Variants in THSD7B observed in about 807,000 individuals in gnomAD.
The protein encoded by THSD7B is thrombospondin type-1 domain-containing protein 7B.
In THSD7B, 138 loss-of-function variants were observed where a neutral mutation model predicts 213.6. That is an observed-to-expected ratio of 0.65 (90% CI 0.56 to 0.74). THSD7B has a LOEUF of 0.74. THSD7B is among the 30% of genes least tolerant of loss of function. THSD7B has a pLI of 0.00. For synonymous variants in THSD7B, 742 were observed against 687.0 expected (o/e 1.08, Z -1.25); for missense variants, 1,931 against 1,991.5 (o/e 0.97, Z 0.58).
chr2:137,320,251 C>T (rs1684232333), intron 12 of THSD7B, among the ~76,000 whole-genome samples: 2 of 152,094 alleles, frequency 1.3e-5, no homozygotes, highest in Admixed American at 6.5e-5. Context: ...TCACATTGTA[C>T]TCCAGCTCTT....
In THSD7B at chr2:137,220,620, CTTTGGAGAACAG is replaced by C. The variant is rs376763161; in HGVS notation, c.1724-10418_1724-10407del. ...ATGGGAAGGCAAAAGAGTGCAGACACTTTGGAGAACAGTTTGGCAGTGTCTTATAACATCTAC... is the reference window on the plus strand; with the variant it reads ...ATGGGAAGGCAAAAGAGTGCAGACACTTTGGCAGTGTCTTATAACATCTAC... On this transcript the variant is annotated intron_variant, in intron 7 of 27. Coordinates refer to ENST00000409968, the MANE Select transcript of THSD7B (RefSeq NM_001316349.2). Among the ~76,000 whole-genome samples the C allele has an allele frequency of 1.3e-4, 20 of 152,272 alleles. No individual in the cohort carries two copies. The East Asian group carries it at 3.3e-3, about 25-fold the overall frequency.
chr2:137,555,455 A>G (rs549884396), intron 15 of THSD7B, among the ~76,000 whole-genome samples: 1 of 152,328 alleles, frequency 6.6e-6, no homozygotes, highest in East Asian at 1.9e-4. Flanking sequence ...ACCTCCAGCA[A>G]ACTCCAACAG....
At chr2:137,323,295 A>T (rs536519372) in intron 12 of THSD7B, among the ~76,000 whole-genome samples, 6 of 152,202 alleles carry the variant, frequency 3.9e-5, no homozygotes, top group South Asian at 2.1e-4. Flanking sequence ...ACACCATGCC[A>T]TCCATGAGCA....
intron 2 of THSD7B, among the ~76,000 whole-genome samples, chr2:136,924,486 A>G (rs201891086): frequency 6.6e-6 from 1 of 152,196 alleles, no homozygotes; most frequent in Admixed American, 6.5e-5. Flanking sequence ...GCAACTTTGT[A>G]AAAAATCATT....
chr2:136,827,007 A>T lies in THSD7B; in HGVS notation c.-35-55137A>T, dbSNP rs375030491. ...TAACAGTACAGTGCTGATAAATAGAAACCTAGGATTAGAAAACCAGAACAA... is the reference window on the plus strand; with the variant it reads ...TAACAGTACAGTGCTGATAAATAGATACCTAGGATTAGAAAACCAGAACAA... On this transcript the variant is annotated intron_variant, in intron 1 of 27. Coordinates refer to ENST00000409968, the MANE Select transcript of THSD7B (RefSeq NM_001316349.2). Among the ~76,000 whole-genome samples, 7 of 152,346 alleles carry T rather than the reference A, an allele frequency of 4.6e-5. No homozygotes were observed. The South Asian group carries it at 1.4e-3, about 32-fold the overall frequency.
chr2:137,199,421 C>A (rs1378486981), intron 7 of THSD7B, among the ~76,000 whole-genome samples: 1 of 152,096 alleles, frequency 6.6e-6, no homozygotes, highest in Admixed American at 6.6e-5. Flanking sequence ...CAGTAATTAA[C>A]AAAGTTTGGG....
intron 1 of THSD7B, among the ~76,000 whole-genome samples, chr2:136,800,600 G>T (rs1345869691): frequency 6.6e-6 from 1 of 151,968 alleles, no homozygotes; most frequent in Non-Finnish European, 1.5e-5. Context: ...TGTTCAACTT[G>T]CATCAAACCT....
chr2:137,184,879 T>A (rs1157517036), intron 7 of THSD7B, among the ~76,000 whole-genome samples: 1 of 152,222 alleles, frequency 6.6e-6, no homozygotes, highest in African/African-American at 2.4e-5. Flanking sequence ...TTTGGGAATA[T>A]GAGGCTTCAT....
chr2:137,624,915 G>C (rs1330052450), intron 20 of THSD7B, among the ~76,000 whole-genome samples: 1 of 152,154 alleles, frequency 6.6e-6, no homozygotes, highest in Non-Finnish European at 1.5e-5. Flanking sequence ...AAGACAGTGT[G>C]GTGATCCCTC....
chr2:137,364,171 G>A (rs1005417786), intron 12 of THSD7B, among the ~76,000 whole-genome samples: 4 of 152,126 alleles, frequency 2.6e-5, no homozygotes, highest in Non-Finnish European at 5.9e-5. Context: ...TGCAGCAAAG[G>A]CCTTTGACAA....
chr2:137,330,383 C>T (rs1420291636), intron 12 of THSD7B, among the ~76,000 whole-genome samples: 1 of 152,164 alleles, frequency 6.6e-6, no homozygotes, highest in Non-Finnish European at 1.5e-5. Flanking sequence ...TAAAGCCAGT[C>T]TGTGAAAGTG....
At chr2:137,481,868 G>A (rs899689924) in intron 15 of THSD7B, among the ~76,000 whole-genome samples, 1 of 152,050 alleles carries the variant, frequency 6.6e-6, no homozygotes, top group Non-Finnish European at 1.5e-5. Flanking sequence ...TTGGACTATT[G>A]GAAATAACAT....
intron 1 of THSD7B, among the ~76,000 whole-genome samples, chr2:136,874,548 A>AT: frequency 6.6e-6 from 1 of 152,352 alleles, no homozygotes; most frequent in African/African-American, 2.4e-5. Flanking sequence ...CTGAAAGCAA[A>AT]TTGAAACTAT....
chr2:137,346,632 C>G (rs964692209), intron 12 of THSD7B, among the ~76,000 whole-genome samples: 9 of 151,654 alleles, frequency 5.9e-5, no homozygotes, highest in African/African-American at 1.9e-4. Context: ...TGCTCTATGT[C>G]TAGAAAGTGC....
chr2:137,559,497 A>G (rs1440807029), intron 15 of THSD7B, among the ~76,000 whole-genome samples: 1 of 152,218 alleles, frequency 6.6e-6, no homozygotes, highest in Non-Finnish European at 1.5e-5. Flanking sequence ...GTGCTGGGAA[A>G]ACTGGCTAGC....
At chr2:137,327,797 C>A (rs1050827410) in intron 12 of THSD7B, among the ~76,000 whole-genome samples, 11 of 152,182 alleles carry the variant, frequency 7.2e-5, no homozygotes, top group Non-Finnish European at 1.5e-5. Flanking sequence ...CTTTTTAGCA[C>A]AATAGCTAAA....
At chr2:137,246,767 T>G (rs1682049086) in intron 10 of THSD7B, among the ~76,000 whole-genome samples, 1 of 147,200 alleles carries the variant, frequency 6.8e-6, no homozygotes, top group African/African-American at 2.5e-5. Context: ...CCTTTGTACT[T>G]TTTTTTTTTT....
intron 15 of THSD7B, among the ~76,000 whole-genome samples, chr2:137,535,331 G>C (rs1680484285): frequency 6.6e-6 from 1 of 151,532 alleles, no homozygotes; most frequent in Admixed American, 6.6e-5. Context: ...ATACCTCCTA[G>C]TGACCTGCCT....
chr2:136,905,740 C>T (rs1028721945), intron 2 of THSD7B, among the ~76,000 whole-genome samples: 8 of 152,208 alleles, frequency 5.3e-5, no homozygotes, highest in African/African-American at 1.9e-4. Context: ...ACAAGTACAT[C>T]ATTAGGCATT....
Sources: gnomAD v4.1 joint callset for allele counts (sites outside exome capture counted in the v4.1 genomes callset) on GRCh38, gnomAD v4.1.1 for gene constraint, MANE v1.5 for transcripts, NCBI Gene and HGNC (gene_info 2026-07-23, HGNC 2026-07-21) for gene names.